The following GPC5 variants were observed in gnomAD, a reference collection of about 807,000 sequenced individuals.
The protein encoded by GPC5 is glypican-5.
GPC5 carries 47 observed loss-of-function variants against 53.9 expected under a neutral mutation model. The observed-to-expected ratio is 0.87, with a 90% CI of 0.69 to 1.11. The LOEUF is 1.11. Among genes scored for constraint, GPC5 ranks in the 50% most tolerant of loss-of-function variants. The pLI is 0.00. For missense variants in GPC5, 748 were observed against 713.1 expected, an observed-to-expected ratio of 1.05 and a Z score of -0.56; for synonymous variants, 286 against 263.3, an observed-to-expected ratio of 1.09 and a Z score of -0.84.
chr13:92,298,532 C>A (rs2043054195), intron 7 of GPC5, among the ~76,000 whole-genome samples: 1 of 152,172 alleles, frequency 6.6e-6, no homozygotes. Flanking sequence ...TTTGGCTTGG[C>A]TCTCTAAATT....
intron 7 of GPC5, among the ~76,000 whole-genome samples, chr13:92,242,745 A>G (rs2042622852): frequency 6.6e-6 from 1 of 152,146 alleles, no homozygotes; most frequent in Non-Finnish European, 1.5e-5. Context: ...TCATATACAA[A>G]AATTATAACC....
intron 5 of GPC5, among the ~76,000 whole-genome samples, chr13:91,873,482 G>A (rs562986196): frequency 6.6e-6 from 1 of 152,070 alleles, no homozygotes; most frequent in South Asian, 2.1e-4. Context: ...TTCCCGTGCT[G>A]TTCTTATGAT....
At chr13:92,837,507 C>G (rs754762860) in intron 7 of GPC5, among the ~76,000 whole-genome samples, 2 of 152,114 alleles carry the variant, frequency 1.3e-5, no homozygotes, top group Non-Finnish European at 2.9e-5. Flanking sequence ...AAACAGCAGA[C>G]TGAGACCCAG....
At chr13:92,203,706 A>T (rs1453987228) in intron 7 of GPC5, among the ~76,000 whole-genome samples, 1 of 149,688 alleles carries the variant, frequency 6.7e-6, no homozygotes, top group African/African-American at 2.4e-5. Flanking sequence ...TGATTATGCC[A>T]CTCCTTTACC....
chr13:92,315,706 G>T (rs923180217), intron 7 of GPC5, among the ~76,000 whole-genome samples: 8 of 152,182 alleles, frequency 5.3e-5, no homozygotes, highest in African/African-American at 1.9e-4. Flanking sequence ...ACTGTGAAAA[G>T]AATTTCATTG....
At chr13:92,081,332 C>A (rs1301671196) in intron 6 of GPC5, among the ~76,000 whole-genome samples, 1 of 152,128 alleles carries the variant, frequency 6.6e-6, no homozygotes, top group Non-Finnish European at 1.5e-5. Flanking sequence ...GAACTCCTGA[C>A]CTCAAGTGAT....
intron 6 of GPC5, among the ~76,000 whole-genome samples, chr13:91,992,233 C>G (rs2138736699): frequency 6.6e-6 from 1 of 152,056 alleles, no homozygotes; most frequent in African/African-American, 2.4e-5. Flanking sequence ...GGATCTCGCT[C>G]TATTGCTCAG....
intron 6 of GPC5, among the ~76,000 whole-genome samples, chr13:92,011,795 T>A (rs181476226): frequency 4.6e-5 from 7 of 152,344 alleles, no homozygotes; most frequent in African/African-American, 1.4e-4. Flanking sequence ...AGTATATTAC[T>A]ATCTTTAATT....
chr13:92,427,273 T>C (rs1876877370), intron 7 of GPC5, among the ~76,000 whole-genome samples: 1 of 150,240 alleles, frequency 6.7e-6, no homozygotes, highest in Non-Finnish European at 1.5e-5. Context: ...TTTTAAAACC[T>C]AACTCCTCTA....
At chr13:91,805,840 A>G (rs1251357678) in intron 5 of GPC5, among the ~76,000 whole-genome samples, 1 of 152,080 alleles carries the variant, frequency 6.6e-6, no homozygotes, top group African/African-American at 2.4e-5. Flanking sequence ...GCTTCTAAGA[A>G]TATCTCTCTT....
chr13:92,582,496 C>T (rs1233115687), intron 7 of GPC5, among the ~76,000 whole-genome samples: 1 of 151,896 alleles, frequency 6.6e-6, no homozygotes, highest in Non-Finnish European at 1.5e-5. Context: ...ATTTGAGATT[C>T]CATATAAATT....
chr13:92,170,420 CTT>C (rs61418155), intron 7 of GPC5, among the ~76,000 whole-genome samples: 3 of 75,258 alleles, frequency 4.0e-5, no homozygotes, highest in African/African-American at 5.2e-5. Flanking sequence ...CTTTTCTTTG[CTT>C]TTTTTTTTTT....
intron 7 of GPC5, among the ~76,000 whole-genome samples, chr13:92,411,036 GC>G (rs766708920): frequency 3.4e-4 from 51 of 152,216 alleles, no homozygotes; most frequent in East Asian, 1.9e-3. Context: ...GGAGTCTGAG[GC>G]CAGTGTGGCC....
chr13:92,126,614 T>C (rs1176067503), intron 6 of GPC5, among the ~76,000 whole-genome samples: 3 of 152,166 alleles, frequency 2.0e-5, no homozygotes, highest in South Asian at 4.1e-4. Context: ...CATTATGTAA[T>C]GTCTATGGCT....
intron 5 of GPC5, among the ~76,000 whole-genome samples, chr13:91,837,423 C>T (rs1266766221): frequency 1.3e-5 from 2 of 152,004 alleles, no homozygotes; most frequent in African/African-American, 4.8e-5. Context: ...GCTTAATGAC[C>T]CAGCTTCTTG....
intron 1 of GPC5, among the ~76,000 whole-genome samples, chr13:91,400,490 A>G (rs1317648538): frequency 6.6e-6 from 1 of 152,238 alleles, no homozygotes; most frequent in Non-Finnish European, 1.5e-5. Flanking sequence ...TCTATCCCCA[A>G]ATAAAATATC....
rs145213294 is a variant in GPC5, at chr13:91,441,307, A to C, written c.164-7454A>C. Among the ~76,000 whole-genome samples, 484 of 152,306 alleles carry C rather than the reference A, an allele frequency of 3.2e-3. 3 individuals are homozygous for C. Among genetic ancestry groups the C allele is most frequent in the Non-Finnish European group, 5.9e-3 (402 of 68,026 alleles). ...GGGCAGGGAACTTGAGTAGCCATTAAAGAGGTGTTATCAGACCTTCATTTA... is the reference window on the plus strand; with the variant it reads ...GGGCAGGGAACTTGAGTAGCCATTACAGAGGTGTTATCAGACCTTCATTTA... On this transcript the variant is annotated intron_variant, in intron 1 of 7. Coordinates refer to ENST00000377067, the MANE Select transcript of GPC5 (RefSeq NM_004466.6).
At chr13:92,042,007 G>A (rs1374936210) in intron 6 of GPC5, among the ~76,000 whole-genome samples, 1 of 152,116 alleles carries the variant, frequency 6.6e-6, no homozygotes, top group Admixed American at 6.5e-5. Context: ...ACCTGGAGAT[G>A]GGCACCCAAT....
intron 7 of GPC5, among the ~76,000 whole-genome samples, chr13:92,818,888 A>T (rs1877579387): frequency 6.6e-6 from 1 of 152,032 alleles, no homozygotes; most frequent in Admixed American, 6.5e-5. Flanking sequence ...TTCTTTCTAA[A>T]GCACTGTAGA....
Sources: allele counts gnomAD v4.1 joint callset (sites outside exome capture counted in the v4.1 genomes callset), GRCh38; gene constraint gnomAD v4.1.1; transcripts MANE v1.5; gene names NCBI Gene and HGNC (gene_info 2026-07-23, HGNC 2026-07-21).